DOT1L: variants seen among roughly 807,000 people sequenced by gnomAD.
The protein encoded by DOT1L is DOT1 like histone lysine methyltransferase.
A neutral mutation model predicts 153.3 loss-of-function variants in DOT1L; 33 were observed. The observed-to-expected ratio is 0.22, with a 90% CI of 0.16 to 0.29. The LOEUF (loss-of-function observed/expected upper bound fraction) is 0.29. Among genes scored for constraint, DOT1L ranks in the 10% least tolerant of loss-of-function variants. The pLI, the probability that DOT1L is intolerant of heterozygous loss-of-function variation, is 1.00. For missense variants in DOT1L, 1,847 were observed against 2,119.9 expected (o/e 0.87, Z 2.53); for synonymous variants, 1,135 against 965.1 (o/e 1.18, Z -3.26).
At chr19:2,201,324 C>G (rs2023272100) in intron 8 of DOT1L, among the ~76,000 whole-genome samples, 1 of 151,794 alleles carries the variant, frequency 6.6e-6, no homozygotes, top group African/African-American at 2.4e-5. Context: ...TCCCTGCATT[C>G]CTCGTCCTCC....
chr19:2,222,223 C>T lies in DOT1L; in HGVS notation c.3054C>T (p.Gly1018=), dbSNP rs773279205. Reference sequence around the variant, plus strand: ...CCCGGCTTGGTGGGGCCGCCCAGGGCCCGTTGCCCGAGGCCAGCAAGGGAG... The same window carrying T: ...CCCGGCTTGGTGGGGCCGCCCAGGGTCCGTTGCCCGAGGCCAGCAAGGGAG... The part of the protein sequence containing the change: ...SSPRLGGAAQ[G]PLPEASKGDL... Residue 1018 remains glycine, a synonymous_variant, in exon 24 of 28, where the codon GGC becomes GGT. Transcript: ENST00000398665. The surrounding 1 kb of genome is among the most constrained non-coding windows in gnomAD (Gnocchi z 6.5). The T allele has an allele frequency of 6.2e-7, 1 of 1,613,148 alleles. No homozygotes were observed. The highest frequency in any genetic ancestry group is 1.7e-5 in the Admixed American group (1 of 60,026).
intron 24 of DOT1L, among the ~76,000 whole-genome samples, 172 bp from the exon 25 acceptor site, chr19:2,223,109 G>A (rs1051864674): frequency 1.3e-5 from 2 of 151,986 alleles, no homozygotes; most frequent in African/African-American, 2.4e-5. Context: ...GCGGGGTGGT[G>A]TGTGAGGACC....
At position 2,228,293 on chromosome 19, in the gene DOT1L, C is replaced by T. The variant is rs764182884; in HGVS notation, c.4606+1166C>T. 9 of 1,351,452 alleles carry T rather than the reference C, an allele frequency of 6.7e-6. No homozygotes were observed. In the East Asian group the frequency reaches 2.3e-4, roughly 35 times the overall value. 83.7% of individuals were successfully genotyped at this position (1,351,452 alleles called of 1,614,324 possible). On this transcript the variant is annotated intron_variant, in intron 27 of 27. Transcript: ENST00000398665. ...CGGGGCCGTCCGCGGTGTGGGTGTC[C>T]CTCGGCATGCCGCCTCCCTATGCCG...
At chr19:2,186,698 C>A (rs2022521670) in intron 3 of DOT1L, among the ~76,000 whole-genome samples, 1 of 152,234 alleles carries the variant, frequency 6.6e-6, no homozygotes, top group African/African-American at 2.4e-5. Context: ...TCCTGTGCCC[C>A]TCCCTCGAGC....
chr19:2,214,770 TGG>T (rs2023838225), intron 19 of DOT1L, 174 bp downstream of exon 19: 1 of 944,984 alleles, frequency 1.1e-6, no homozygotes, highest in Non-Finnish European at 1.5e-6. Flanking sequence ...GCTGCCCGTG[TGG>T]ATGACTCTGC....
chr19:2,208,807 G>A lies in DOT1L; in HGVS notation c.964-128G>A. 2.1e-6 allele frequency: 2 copies of A among 945,332 alleles called. No individual in the cohort carries two copies. The highest frequency in any genetic ancestry group is 3.2e-6 in the Non-Finnish European group (2 of 616,298). The allele number at this position is 945,332 out of a possible 1,614,324, so 58.6% of individuals were successfully genotyped here. A position where few individuals can be genotyped will look rare whatever the true frequency, so the allele number is the denominator to read the frequency against. On this transcript the variant is annotated intron_variant, in intron 11 of 27. Coordinates refer to ENST00000398665, the MANE Select transcript of DOT1L (RefSeq NM_032482.3). This position sits in a 1 kb window ranked among gnomAD's most constrained non-coding sequence, Gnocchi z 4.4. ...ACTGGGGGGCTCTAGCTGCATGCCTGCTGTCCCCAGATACCAGAACAGCCT... is the reference window on the plus strand; with the variant it reads ...ACTGGGGGGCTCTAGCTGCATGCCTACTGTCCCCAGATACCAGAACAGCCT...
intron 9 of DOT1L, 143 bp downstream of exon 9, chr19:2,202,922 C>T (rs1358776598): frequency 6.8e-5 from 47 of 694,378 alleles, no homozygotes; most frequent in East Asian, 4.9e-4. Flanking sequence ...TTCCTTTATG[C>T]TTTTTTTTCT....
In DOT1L at chr19:2,180,759, G is replaced by A. The variant is rs779789614; in HGVS notation, c.125+3G>A. The A allele has an allele frequency of 1.2e-6, 2 of 1,613,882 alleles. No homozygotes were observed. The highest frequency in any genetic ancestry group is 2.7e-5 in the African/African-American group (2 of 74,934). ...CATGAAATCATCGAGACCATCCGGT[G>A]AGTGCACGGCCTGCAGTGTGTTGTC... On this transcript the variant is annotated splice_donor_region_variant and intron_variant, in intron 2 of 27. Transcript: ENST00000398665.
intron 22 of DOT1L, among the ~76,000 whole-genome samples, chr19:2,218,452 G>A (rs1436197104): frequency 6.7e-6 from 1 of 149,514 alleles, no homozygotes; most frequent in African/African-American, 2.5e-5. Context: ...GGAGTGCAGT[G>A]GTGCGATCTC....
At chr19:2,181,064 C>T (rs1297533996) in intron 2 of DOT1L, among the ~76,000 whole-genome samples, 3 of 152,206 alleles carry the variant, frequency 2.0e-5, no homozygotes, top group East Asian at 1.9e-4. Flanking sequence ...CACCCTCACG[C>T]GCCCTCGACG....
intron 25 of DOT1L, among the ~76,000 whole-genome samples, chr19:2,224,731 G>A (rs999815274): frequency 6.6e-6 from 1 of 152,136 alleles, no homozygotes; most frequent in Middle Eastern, 3.2e-3. Context: ...GCCTCCCAGC[G>A]TGCGCCATCA....
chr19:2,178,304 A>G (rs1599541142), intron 1 of DOT1L, among the ~76,000 whole-genome samples: 2 of 143,124 alleles, frequency 1.4e-5, no homozygotes, highest in African/African-American at 2.6e-5. Context: ...CAAGGCAGAC[A>G]GCTCACTTGA....
chr19:2,165,219 G>T (rs2019863150), intron 1 of DOT1L, among the ~76,000 whole-genome samples: 1 of 152,212 alleles, frequency 6.6e-6, no homozygotes, highest in African/African-American at 2.4e-5. Context: ...CGTGTCCGGG[G>T]CGCGAGTTTT....
In DOT1L at chr19:2,190,909, C is replaced by A; in HGVS notation, c.265-103C>A. 8.9e-7 allele frequency: 1 copy of A among 1,127,946 alleles called. No individual in the cohort carries two copies. The allele number at this position is 1,127,946 out of a possible 1,614,324, so 69.9% of individuals were successfully genotyped here. A position where few individuals can be genotyped will look rare whatever the true frequency, so the allele number is the denominator to read the frequency against. ...CCCTGCAGGGGGACGAGAGGCCATG[C>A]AGCCGACTCCCTGCTTCCGCTGGGA... On this transcript the variant is annotated intron_variant, in intron 4 of 27. Transcript: ENST00000398665. The surrounding 1 kb of genome is among the most constrained non-coding windows in gnomAD (Gnocchi z 4.8).
rs765607380 is a variant in DOT1L, at chr19:2,217,042, C to T, written c.2496C>T (p.Pro832=). The change falls in exon 21 of 28, where the codon CCC becomes CCT. Residue 832 remains proline, a synonymous_variant. Coordinates refer to ENST00000398665, the MANE Select transcript of DOT1L (RefSeq NM_032482.3). This position sits in a 1 kb window ranked among gnomAD's most constrained non-coding sequence, Gnocchi z 7.3. The part of the protein sequence containing the change: ...SMKLSPQDPR[P]LSPGALQLAG... ...AGCTGAGCCCTCAGGACCCGCGGCC[C>T]CTGTCCCCTGGGGCCTTGCAGCTTG... 1.9e-6 allele frequency: 3 copies of T among 1,612,400 alleles called. No individual in the cohort carries two copies. In the East Asian group the frequency reaches 6.7e-5, roughly 36 times the overall value.
In DOT1L at chr19:2,227,673, G is replaced by A; in HGVS notation, c.4606+546G>A. On this transcript the variant is annotated intron_variant, in intron 27 of 27. Coordinates refer to ENST00000398665, the MANE Select transcript of DOT1L (RefSeq NM_032482.3). ...CTTCCCTTTTTGTGAGCCTGCGGCT[G>A]CTGCTCTGCGCTTGCCTGGATGCTG... The A allele has an allele frequency of 3.9e-6, 5 of 1,279,178 alleles. No homozygotes were observed. In the South Asian group the frequency reaches 6.3e-5, roughly 16 times the overall value. The allele number at this position is 1,279,178 out of a possible 1,614,324, so 79.2% of individuals were successfully genotyped here.
intron 2 of DOT1L, among the ~76,000 whole-genome samples, chr19:2,184,051 G>GCTCTGTGGCGCAGAAC (rs2022374377): frequency 2.6e-5 from 4 of 152,198 alleles, no homozygotes; most frequent in Admixed American, 2.6e-4. Flanking sequence ...TCCTCAGCAC[G>GCTCTGTGGCGCAGAAC]CTCTGTGGCG....
intron 1 of DOT1L, among the ~76,000 whole-genome samples, chr19:2,170,240 A>C (rs2020074068): frequency 6.6e-6 from 1 of 152,222 alleles, no homozygotes; most frequent in African/African-American, 2.4e-5. Flanking sequence ...CAGGAACAGG[A>C]AGATAGTGTC....
chr19:2,201,421 C>T (rs2023277476), intron 8 of DOT1L, among the ~76,000 whole-genome samples: 1 of 152,236 alleles, frequency 6.6e-6, no homozygotes, highest in Admixed American at 6.5e-5. Flanking sequence ...ACCCTCGCTC[C>T]TGCTGTCTTC....
Sources: allele counts gnomAD v4.1 joint callset (sites outside exome capture counted in the v4.1 genomes callset), GRCh38; gene constraint gnomAD v4.1.1; non-coding constraint Gnocchi (gnomAD v3.1); transcripts MANE v1.5; gene names NCBI Gene and HGNC (gene_info 2026-07-23, HGNC 2026-07-21).